Variants in SLC2A9 observed in about 807,000 individuals in gnomAD.
The protein encoded by SLC2A9 is solute carrier family 2, facilitated glucose transporter member 9.
SLC2A9 carries 39 observed loss-of-function variants against 50.6 expected under a neutral mutation model. The observed-to-expected ratio is 0.77, with a 90% CI of 0.60 to 1.01. The LOEUF is 1.01. Ranked by LOEUF, SLC2A9 falls within the 50% of genes least tolerant of loss-of-function variation. SLC2A9 has a pLI of 0.00. For synonymous variants in SLC2A9, 324 were observed against 276.9 expected, an observed-to-expected ratio of 1.17 and a Z score of -1.69; for missense variants, 686 against 677.6, an observed-to-expected ratio of 1.01 and a Z score of -0.14.
intron 5 of SLC2A9, among the ~76,000 whole-genome samples, chr4:9,955,003 T>A (rs1484269522): frequency 2.0e-5 from 3 of 152,182 alleles, no homozygotes; most frequent in African/African-American, 7.2e-5. Context: ...AGAGTTTACC[T>A]GGTATATGGC....
At chr4:9,985,631 T>G in intron 4 of SLC2A9, 38 bp downstream of exon 4, 8 of 1,613,266 alleles carry the variant, frequency 5.0e-6, no homozygotes, top group Non-Finnish European at 6.8e-6. Context: ...CCCCAAGGAG[T>G]ATGTTACTGT....
At chr4:9,827,426 G>A (rs1725325697) in intron 11 of SLC2A9, among the ~76,000 whole-genome samples, 4 of 152,208 alleles carry the variant, frequency 2.6e-5, no homozygotes, top group Admixed American at 2.6e-4. Flanking sequence ...ACTATTATAT[G>A]CAACAAACAT....
chr4:9,905,919 A>G (rs1740578952), intron 8 of SLC2A9, among the ~76,000 whole-genome samples: 1 of 152,188 alleles, frequency 6.6e-6, no homozygotes, highest in Admixed American at 6.5e-5. Flanking sequence ...ACCCAGAGTA[A>G]GTCACTCCTT....
In SLC2A9 at chr4:9,975,379, T is replaced by C. The variant is rs60592204; in HGVS notation, c.681+5213A>G. ...TGACAAAGGGCTAAAATCCATAATC[T>C]ATAAGGAACTTAAACAATTGAACAA... On this transcript the variant is annotated intron_variant, in intron 5 of 11. Transcript: ENST00000264784. 9.9e-5 allele frequency among the ~76,000 whole-genome samples: 15 copies of C among 152,252 alleles called. No individual in the cohort carries two copies. The East Asian group carries it at 1.5e-3, about 16-fold the overall frequency.
At chr4:9,960,440 G>A (rs1752080614) in intron 5 of SLC2A9, among the ~76,000 whole-genome samples, 1 of 152,202 alleles carries the variant, frequency 6.6e-6, no homozygotes, top group African/African-American at 2.4e-5. Context: ...CAGTGCCAGG[G>A]AAGAAAGGGG....
At chr4:9,835,466 C>T (rs12505312) in intron 10 of SLC2A9, among the ~76,000 whole-genome samples, 2 of 152,016 alleles carry the variant, frequency 1.3e-5, no homozygotes, top group Non-Finnish European at 2.9e-5. Flanking sequence ...GAGATCTACA[C>T]CTGGGTGTTT....
chr4:10,006,001 G>A (rs745380924), intron 2 of SLC2A9, among the ~76,000 whole-genome samples: 5 of 152,152 alleles, frequency 3.3e-5, no homozygotes, highest in Non-Finnish European at 7.3e-5. Context: ...GTGCTGGGTC[G>A]ATATGAAGTA....
chr4:9,954,114 T>A (rs915358400), intron 5 of SLC2A9, among the ~76,000 whole-genome samples: 9 of 152,044 alleles, frequency 5.9e-5, no homozygotes, highest in African/African-American at 1.9e-4. Context: ...CAGCCCTAAT[T>A]TTTTGTAGAG....
rs1467124229 is a variant in SLC2A9, at chr4:9,913,328, T to TGAGA, written c.1003-4984_1003-4983insTCTC. 7.9e-3 allele frequency among the ~76,000 whole-genome samples: 1,076 copies of TGAGA among 136,552 alleles called. 6 individuals carry two copies. Among genetic ancestry groups the TGAGA allele is most frequent in the East Asian group, 0.029 (100 of 3,462 alleles). The allele number at this position is 136,552 out of a possible 152,430, so 89.6% of individuals were successfully genotyped here. On this transcript the variant is annotated intron_variant, in intron 7 of 11. Transcript: ENST00000264784. ...TTGTGTGTGTGTGTGTGTGTGTGTG[T>TGAGA]GTGAGAGAGAGAGAGAGAGAGAGAG...
chr4:9,904,429 T>C (rs1188510491), intron 8 of SLC2A9, among the ~76,000 whole-genome samples: 19 of 152,158 alleles, frequency 1.2e-4, no homozygotes, highest in Admixed American at 1.2e-3. Flanking sequence ...CTTCTCTGAC[T>C]CTGACCCTCC....
chr4:9,935,404 T>G (rs1421809629), intron 6 of SLC2A9, among the ~76,000 whole-genome samples: 1 of 152,160 alleles, frequency 6.6e-6, no homozygotes, highest in Admixed American at 6.5e-5. Flanking sequence ...AGCCTATGGG[T>G]GGTGGCAGAG....
At chr4:9,879,134 C>CTGACCAACCA in intron 10 of SLC2A9, 1 of 979,524 alleles carries the variant, frequency 1.0e-6, no homozygotes, top group Non-Finnish European at 1.2e-6. Context: ...GTTAGGAGGA[C>CTGACCAACCA]TGACCAACCA....
At chr4:10,007,267 G>A (rs1760958734) in intron 2 of SLC2A9, among the ~76,000 whole-genome samples, 1 of 152,210 alleles carries the variant, frequency 6.6e-6, no homozygotes, top group African/African-American at 2.4e-5. Flanking sequence ...AGGTTTGCAG[G>A]TTTGTGGTGT....
intron 5 of SLC2A9, among the ~76,000 whole-genome samples, chr4:9,958,232 A>C (rs1425548312): frequency 1.3e-5 from 2 of 152,258 alleles, no homozygotes; most frequent in African/African-American, 4.8e-5. Flanking sequence ...GAAAGTCTCA[A>C]AAGCTTTGTC....
At chr4:9,997,774 C>T (rs35438220) in intron 2 of SLC2A9, among the ~76,000 whole-genome samples, 67,556 of 142,034 alleles carry the variant, frequency 0.48, 16,591 homozygotes, top group South Asian at 0.59. Flanking sequence ...AAAAACTAGC[C>T]ATAAAAGAAA....
chr4:9,942,911 T>C (rs569756863), intron 5 of SLC2A9, among the ~76,000 whole-genome samples: 198 of 152,320 alleles, frequency 1.3e-3, no homozygotes, highest in Non-Finnish European at 2.0e-3. Flanking sequence ...GACACGTTTA[T>C]TTCCCAAGAA....
chr4:9,895,213 G>T (rs1328598091), intron 8 of SLC2A9, among the ~76,000 whole-genome samples: 2 of 152,160 alleles, frequency 1.3e-5, no homozygotes, highest in Admixed American at 6.6e-5. Context: ...CCAGTAACTT[G>T]AGCCAATGAA....
intron 5 of SLC2A9, among the ~76,000 whole-genome samples, chr4:9,971,020 G>A (rs770735955): frequency 1.3e-5 from 2 of 152,086 alleles, no homozygotes; most frequent in African/African-American, 4.8e-5. Flanking sequence ...AATCAATCAC[G>A]ACCCTTTCAT....
At chr4:9,863,006 C>G (rs1386713744) in intron 10 of SLC2A9, among the ~76,000 whole-genome samples, 1 of 152,024 alleles carries the variant, frequency 6.6e-6, no homozygotes, top group Non-Finnish European at 1.5e-5. Flanking sequence ...AATGAATGTG[C>G]CCCGCCCAGG....
Sources: allele counts gnomAD v4.1 joint callset (sites outside exome capture counted in the v4.1 genomes callset), GRCh38; gene constraint gnomAD v4.1.1; transcripts MANE v1.5; gene names NCBI Gene and HGNC (gene_info 2026-07-23, HGNC 2026-07-21).